The following LRRC37A2 variants were observed in gnomAD, a reference collection of about 807,000 sequenced individuals.
LRRC37A2 encodes the protein leucine rich repeat containing 37 member A2.
A neutral mutation model predicts 68.8 loss-of-function variants in LRRC37A2; 9 were observed. That is an observed-to-expected ratio of 0.13 (90% confidence interval 0.08 to 0.23). The LOEUF (loss-of-function observed/expected upper bound fraction) is 0.23, where lower values mean the gene tolerates loss of function less well. Ranked by LOEUF, LRRC37A2 falls within the 10% of genes least tolerant of loss-of-function variation. LRRC37A2 has a pLI of 1.00. For missense variants in LRRC37A2, 168 were observed against 950.4 expected, an observed-to-expected ratio of 0.18 and a Z score of 10.82; for synonymous variants, 63 against 367.6, an observed-to-expected ratio of 0.17 and a Z score of 9.48.
At chr17:46,910,626 C>A in the LRRC37A2 span, among the ~76,000 whole-genome samples, 2 of 152,174 alleles carry the variant, frequency 1.3e-5, no homozygotes, top group Non-Finnish European at 2.9e-5. Flanking sequence ...TGTGGAAAGT[C>A]AATACTCCAG....
the LRRC37A2 span, among the ~76,000 whole-genome samples, chr17:46,966,158 A>G: frequency 6.6e-6 from 1 of 152,242 alleles, no homozygotes; most frequent in Non-Finnish European, 1.5e-5. Flanking sequence ...TTGAGGGATC[A>G]CCACAGAGTA....
chr17:46,923,233 T>C, the LRRC37A2 span: 1 of 1,551,038 alleles, frequency 6.4e-7, no homozygotes, highest in Non-Finnish European at 8.7e-7. Flanking sequence ...TGAGGGCCGG[T>C]CGGGGAGCGG....
At chr17:46,835,372 C>G in the LRRC37A2 span, among the ~76,000 whole-genome samples, 1 of 152,086 alleles carries the variant, frequency 6.6e-6, no homozygotes, top group Non-Finnish European at 1.5e-5. Flanking sequence ...CCACCACGCC[C>G]AGCTAATTTT....
the LRRC37A2 span, among the ~76,000 whole-genome samples, chr17:46,990,716 G>T: frequency 1.3e-5 from 2 of 151,964 alleles, no homozygotes; most frequent in East Asian, 3.9e-4. Flanking sequence ...TGTCGCCCAG[G>T]CTAGAGTGCA....
the LRRC37A2 span, among the ~76,000 whole-genome samples, chr17:46,494,883 T>C: frequency 6.6e-6 from 1 of 151,158 alleles, no homozygotes; most frequent in Non-Finnish European, 1.5e-5. Context: ...TTGTTGACTC[T>C]AGTCACCCTA....
chr17:47,023,822 T>C, the LRRC37A2 span, among the ~76,000 whole-genome samples: 4 of 152,294 alleles, frequency 2.6e-5, no homozygotes, highest in South Asian at 6.2e-4. Flanking sequence ...CTCAAACTCA[T>C]GACCGTGGGT....
the LRRC37A2 span, among the ~76,000 whole-genome samples, chr17:46,912,507 G>A: frequency 1.3e-5 from 2 of 152,170 alleles, no homozygotes; most frequent in Non-Finnish European, 2.9e-5. Flanking sequence ...CTTGCTCCTG[G>A]CTGTTATGGC....
chr17:46,877,443 A>G, the LRRC37A2 span, among the ~76,000 whole-genome samples: 17,526 of 152,066 alleles, frequency 0.12, 1,055 homozygotes, highest in Non-Finnish European at 0.13. Flanking sequence ...ATGCACACTC[A>G]CCCAGCCGTG....
At chr17:47,026,905 C>A in the LRRC37A2 span, among the ~76,000 whole-genome samples, 2 of 150,256 alleles carry the variant, frequency 1.3e-5, no homozygotes, top group Non-Finnish European at 3.0e-5. Context: ...AAATGTGAGA[C>A]TTTGTTTGTT....
chr17:46,952,032 C>G, the LRRC37A2 span, among the ~76,000 whole-genome samples: 1 of 152,182 alleles, frequency 6.6e-6, no homozygotes. Context: ...TATATTGCAT[C>G]AGGGAGAGGG....
the LRRC37A2 span, among the ~76,000 whole-genome samples, chr17:46,493,922 C>A: frequency 6.6e-6 from 1 of 151,198 alleles, no homozygotes; most frequent in South Asian, 2.1e-4. Context: ...GCCTGTCATT[C>A]CCCTCGACTC....
chr17:46,833,270 G>T, the LRRC37A2 span: 1 of 465,362 alleles, frequency 2.1e-6, no homozygotes, highest in Non-Finnish European at 4.3e-6. Flanking sequence ...AGCTCCCTGG[G>T]TGATGGCTCC....
chr17:46,810,199 G>C, the LRRC37A2 span, among the ~76,000 whole-genome samples: 1 of 151,802 alleles, frequency 6.6e-6, no homozygotes, highest in Non-Finnish European at 1.5e-5. Context: ...GTAGAGACAG[G>C]GTTTCACCAT....
chr17:46,728,159 C>A, the LRRC37A2 span, among the ~76,000 whole-genome samples: 1 of 152,118 alleles, frequency 6.6e-6, no homozygotes. Flanking sequence ...GGCATTTACG[C>A]TGAATCTTGA....
At chr17:46,729,926 T>G in the LRRC37A2 span, among the ~76,000 whole-genome samples, 2 of 152,132 alleles carry the variant, frequency 1.3e-5, no homozygotes, top group Non-Finnish European at 2.9e-5. Context: ...TTGCAACATA[T>G]GTGTACTGTG....
At chr17:46,833,226 T>A in the LRRC37A2 span, 2 of 412,506 alleles carry the variant, frequency 4.8e-6, no homozygotes, top group Non-Finnish European at 9.8e-6. Context: ...AGCATGTGCG[T>A]GGAAGCTGGG....
At chr17:46,856,988 C>T in the LRRC37A2 span, among the ~76,000 whole-genome samples, 1 of 152,164 alleles carries the variant, frequency 6.6e-6, no homozygotes, top group Non-Finnish European at 1.5e-5. Flanking sequence ...TTTGCCTATT[C>T]TGGAAGTTTA....
the LRRC37A2 span, among the ~76,000 whole-genome samples, chr17:46,868,533 T>C: frequency 6.6e-6 from 1 of 152,018 alleles, no homozygotes; most frequent in Non-Finnish European, 1.5e-5. Flanking sequence ...GAGGCAGAGG[T>C]TGCAGTGAGC....
the LRRC37A2 span, among the ~76,000 whole-genome samples, chr17:46,983,647 G>A: frequency 6.6e-6 from 1 of 152,182 alleles, no homozygotes; most frequent in Non-Finnish European, 1.5e-5. Flanking sequence ...GTAGTTTGAT[G>A]TGTATTAACT....
Sources: gnomAD v4.1 joint callset for allele counts (sites outside exome capture counted in the v4.1 genomes callset) on GRCh38, gnomAD v4.1.1 for gene constraint, MANE v1.5 for transcripts, NCBI Gene and HGNC (gene_info 2026-07-23, HGNC 2026-07-21) for gene names.